The following NSUN6 variants were observed in gnomAD, a reference collection of about 807,000 sequenced individuals.
NSUN6 encodes NOP2/Sun RNA methyltransferase 6.
Under a neutral mutation model 58.0 loss-of-function variants are expected in NSUN6, and 64 were observed. The ratio of observed to expected loss-of-function variants is 1.10; its 90% confidence interval spans 0.90 to 1.36. NSUN6 has a LOEUF of 1.36. Ranked by LOEUF, NSUN6 falls within the 40% of genes most tolerant of loss-of-function variation. NSUN6 has a pLI of 0.00. For missense variants in NSUN6, 701 were observed against 550.1 expected, an observed-to-expected ratio of 1.27 and a Z score of -2.74; for synonymous variants, 231 against 193.9, an observed-to-expected ratio of 1.19 and a Z score of -1.59.
At chr10:18,566,519 A>G (rs2055963337) in intron 8 of NSUN6, among the ~76,000 whole-genome samples, 1 of 131,940 alleles carries the variant, frequency 7.6e-6, no homozygotes, top group Non-Finnish European at 1.6e-5. Flanking sequence ...ATTCTATTCC[A>G]CTCCATTCTA....
chr10:18,648,445 T>TTTAATG, intron 2 of NSUN6, 45 bp downstream of exon 2: 1 of 1,313,342 alleles, frequency 7.6e-7, no homozygotes, highest in Non-Finnish European at 1.1e-6. Context: ...CATGGTAGAT[T>TTTAATG]GCAAAAATGT....
intron 7 of NSUN6, among the ~76,000 whole-genome samples, chr10:18,595,564 T>C (rs969465915): frequency 6.6e-6 from 1 of 152,182 alleles, no homozygotes; most frequent in Non-Finnish European, 1.5e-5. Flanking sequence ...GCATTTTTCC[T>C]TCAAGAGTTT....
intron 8 of NSUN6, among the ~76,000 whole-genome samples, chr10:18,581,198 G>A (rs2056889464): frequency 6.6e-6 from 1 of 152,020 alleles, no homozygotes; most frequent in South Asian, 2.1e-4. Flanking sequence ...CTTGAATGGG[G>A]GCTGGGTAAA....
At chr10:18,570,886 C>CTCCAT (rs940822478) in intron 8 of NSUN6, among the ~76,000 whole-genome samples, 1 of 151,140 alleles carries the variant, frequency 6.6e-6, no homozygotes, top group Non-Finnish European at 1.5e-5. Context: ...CCATAGCATT[C>CTCCAT]TCCATTCCAT....
intron 3 of NSUN6, among the ~76,000 whole-genome samples, chr10:18,620,722 C>T (rs2058575191): frequency 6.6e-6 from 1 of 152,210 alleles, no homozygotes; most frequent in Non-Finnish European, 1.5e-5. Context: ...CCTTCCTATT[C>T]TATGCTCCAA....
intron 3 of NSUN6, among the ~76,000 whole-genome samples, chr10:18,618,064 T>C (rs926880577): frequency 1.2e-4 from 18 of 152,240 alleles, no homozygotes; most frequent in African/African-American, 4.3e-4. Context: ...AAAGTCCTCC[T>C]AAGCCTTCAC....
chr10:18,580,281 G>T (rs11014986), intron 8 of NSUN6, among the ~76,000 whole-genome samples: 2 of 152,036 alleles, frequency 1.3e-5, no homozygotes, highest in Admixed American at 6.5e-5. Flanking sequence ...GCCATGACCC[G>T]CTCTTTTCTC....
chr10:18,616,148 G>A (rs371575110), intron 4 of NSUN6, 36 bp downstream of exon 4: 16 of 1,149,066 alleles, frequency 1.4e-5, no homozygotes, highest in Admixed American at 5.9e-5. Context: ...ATAAATTTTA[G>A]AGAACCTTAA....
intron 5 of NSUN6, among the ~76,000 whole-genome samples, chr10:18,610,950 T>A (rs1434169870): frequency 6.6e-6 from 1 of 152,190 alleles, no homozygotes; most frequent in Non-Finnish European, 1.5e-5. Context: ...ATGCCTGTAA[T>A]CCCAGCACTT....
chr10:18,548,435 G>A (rs1199774580), intron 9 of NSUN6, among the ~76,000 whole-genome samples, 198 bp from the exon 10 acceptor site: 3 of 152,080 alleles, frequency 2.0e-5, no homozygotes, highest in Non-Finnish European at 4.4e-5. Context: ...CATTATCTTG[G>A]AACTGTCATA....
At chr10:18,560,303 T>A (rs549608305) in intron 8 of NSUN6, among the ~76,000 whole-genome samples, 1 of 150,382 alleles carries the variant, frequency 6.6e-6, no homozygotes, top group South Asian at 2.1e-4. Flanking sequence ...GAGAATGGAA[T>A]AGAATGGATA....
At chr10:18,555,483 T>A (rs1250286543) in intron 8 of NSUN6, among the ~76,000 whole-genome samples, 1 of 145,396 alleles carries the variant, frequency 6.9e-6, no homozygotes, top group Non-Finnish European at 1.5e-5. Context: ...CAGTGGTGAA[T>A]AGAATGGAAT....
intron 3 of NSUN6, among the ~76,000 whole-genome samples, chr10:18,640,390 T>G (rs1482215327): frequency 6.6e-6 from 1 of 152,110 alleles, no homozygotes; most frequent in African/African-American, 2.4e-5. Flanking sequence ...AAAACCTAAT[T>G]TAACTCTATC....
chr10:18,612,334 A>G (rs2058267137), intron 5 of NSUN6, among the ~76,000 whole-genome samples: 1 of 152,172 alleles, frequency 6.6e-6, no homozygotes, highest in Non-Finnish European at 1.5e-5. Flanking sequence ...AAGTAGGAGG[A>G]TCACTTGAGC....
At chr10:18,596,016 C>T (rs1290327154) in intron 7 of NSUN6, among the ~76,000 whole-genome samples, 192 bp downstream of exon 7, 1 of 152,148 alleles carries the variant, frequency 6.6e-6, no homozygotes. Context: ...AAATTCAAGA[C>T]GGTCTTGAGA....
intron 6 of NSUN6, among the ~76,000 whole-genome samples, chr10:18,604,365 T>C (rs2057966695): frequency 1.3e-5 from 2 of 152,148 alleles, no homozygotes; most frequent in South Asian, 4.1e-4. Flanking sequence ...TCCAGCAGCA[T>C]AATAGGAAGA....
At chr10:18,651,671 C>T, upstream of NSUN6, 1 of 986,038 alleles carries the variant, frequency 1.0e-6, no homozygotes, top group Non-Finnish European at 1.2e-6. Context: ...CCCACCCCTC[C>T]CTTTCCGGTC....
At chr10:18,650,070 TAG>T (rs2059659758) in intron 1 of NSUN6, among the ~76,000 whole-genome samples, 1 of 149,216 alleles carries the variant, frequency 6.7e-6, no homozygotes, top group Admixed American at 6.7e-5. Flanking sequence ...GGTAAAGTGG[TAG>T]AGAGGACAGG....
At chr10:18,607,633 A>G (rs1590047048) in intron 6 of NSUN6, among the ~76,000 whole-genome samples, 1 of 152,206 alleles carries the variant, frequency 6.6e-6, no homozygotes, top group East Asian at 1.9e-4. Flanking sequence ...TGAACTTGGA[A>G]CTCAGTACAT....
Sources: allele counts gnomAD v4.1 joint callset (sites outside exome capture counted in the v4.1 genomes callset), GRCh38; gene constraint gnomAD v4.1.1; transcripts MANE v1.5; gene names NCBI Gene and HGNC (gene_info 2026-07-23, HGNC 2026-07-21).